The following RPS6KA2 variants were observed in gnomAD, a reference collection of about 807,000 sequenced individuals.
RPS6KA2 encodes the protein ribosomal protein S6 kinase A2, also known as ribosomal protein S6 kinase alpha-2.
RPS6KA2 carries 42 observed loss-of-function variants against 91.8 expected under a neutral mutation model. The ratio of observed to expected loss-of-function variants is 0.46; its 90% CI spans 0.36 to 0.59. The LOEUF (loss-of-function observed/expected upper bound fraction) is 0.59, where lower values mean the gene tolerates loss of function less well. RPS6KA2 is among the 20% of genes least tolerant of loss of function. The pLI is 0.00. For synonymous variants in RPS6KA2, 414 were observed against 393.6 expected (o/e 1.05, Z -0.61); for missense variants, 798 against 978.5 (o/e 0.82, Z 2.46).
chr6:166,481,338 G>A (rs1159421282), intron 10 of RPS6KA2, among the ~76,000 whole-genome samples: 1 of 152,260 alleles, frequency 6.6e-6, no homozygotes, highest in Non-Finnish European at 1.5e-5. Flanking sequence ...AATAAGCCAT[G>A]AAGGCTCAGC....
chr6:166,848,863 A>G (rs1179674197), intron 2 of RPS6KA2, among the ~76,000 whole-genome samples: 1 of 152,172 alleles, frequency 6.6e-6, no homozygotes, highest in Non-Finnish European at 1.5e-5. Flanking sequence ...GAACTTATTC[A>G]TGCAACCAAA....
At chr6:166,446,153 GC>G (rs1313183779) in intron 14 of RPS6KA2, among the ~76,000 whole-genome samples, 1 of 152,224 alleles carries the variant, frequency 6.6e-6, no homozygotes, top group Non-Finnish European at 1.5e-5. Flanking sequence ...GCACAGAAAT[GC>G]CAATTCGTCC....
Position 166,508,349 on chromosome 6 carries a change from C to T in RPS6KA2, c.380-67G>A. ...GTCCTGTGGCAACATCGCTCTCTGG[C>T]TTCTCCCTGCTCACGGTGCTGCTTA... On this transcript the variant is annotated intron_variant, in intron 4 of 20. Transcript: ENST00000265678. This position sits in a 1 kb window ranked among gnomAD's most constrained non-coding sequence, Gnocchi z 4.3. The T allele has an allele frequency of 9.7e-7, 1 of 1,025,750 alleles. No individual in the cohort carries two copies. The highest frequency in any genetic ancestry group is 1.3e-5 in the South Asian group (1 of 75,246). 63.5% of individuals were successfully genotyped at this position (1,025,750 alleles called of 1,614,324 possible).
intron 2 of RPS6KA2, among the ~76,000 whole-genome samples, chr6:166,794,414 A>C (rs1157955517): frequency 3.3e-5 from 5 of 152,272 alleles, no homozygotes; most frequent in South Asian, 4.1e-4. Context: ...GTGAGACTGT[A>C]AACTAGTTCA....
rs940037686 is a variant in RPS6KA2, at chr6:166,616,394, C to G, written c.99+10527G>C. On this transcript the variant is annotated intron_variant, in intron 1 of 20. Coordinates refer to ENST00000265678, the MANE Select transcript of RPS6KA2 (RefSeq NM_021135.6). Reference sequence around the variant, plus strand: ...CCAGCTGCAGGAGAAATCACCACCACCACTAACGGGACCCGCCCTGCTCAC... The same window carrying G: ...CCAGCTGCAGGAGAAATCACCACCAGCACTAACGGGACCCGCCCTGCTCAC... Among the ~76,000 whole-genome samples the G allele has an allele frequency of 6.7e-5, 10 of 149,942 alleles. No homozygotes were observed. The South Asian group carries it at 1.7e-3, about 25-fold the overall frequency.
At chr6:166,792,232 G>A (rs950521909) in intron 2 of RPS6KA2, among the ~76,000 whole-genome samples, 13 of 152,134 alleles carry the variant, frequency 8.5e-5, no homozygotes, top group Admixed American at 2.6e-4. Context: ...ACACCTCTAC[G>A]CAAATAAACT....
intron 2 of RPS6KA2, among the ~76,000 whole-genome samples, chr6:166,750,906 C>G (rs759911086): frequency 6.6e-6 from 1 of 152,220 alleles, no homozygotes; most frequent in Non-Finnish European, 1.5e-5. Flanking sequence ...GCTGCGTAGA[C>G]TGTGATCATA....
chr6:166,710,791 A>AAT (rs1213674663), intron 2 of RPS6KA2, among the ~76,000 whole-genome samples: 9 of 152,168 alleles, frequency 5.9e-5, no homozygotes, highest in Non-Finnish European at 1.2e-4. Flanking sequence ...GCTGGTGGAG[A>AAT]ATTCCCTGGG....
chr6:166,814,522 A>G (rs1779714302), intron 2 of RPS6KA2, among the ~76,000 whole-genome samples: 1 of 152,226 alleles, frequency 6.6e-6, no homozygotes, highest in South Asian at 2.1e-4. Flanking sequence ...CAGTGAGCAA[A>G]GCTTCATCTG....
intron 2 of RPS6KA2, among the ~76,000 whole-genome samples, chr6:166,807,646 C>T (rs1779525353): frequency 6.6e-6 from 1 of 152,046 alleles, no homozygotes; most frequent in Admixed American, 6.5e-5. Context: ...TGCGGCCTCT[C>T]CCCTGCTGTT....
At chr6:166,532,844 AGTGTGTGTGT>A in intron 2 of RPS6KA2, among the ~76,000 whole-genome samples, 2 of 149,580 alleles carry the variant, frequency 1.3e-5, no homozygotes, top group Middle Eastern at 6.9e-3. Flanking sequence ...AGAGAGAGAG[AGTGTGTGTGT>A]GTGTGTGTGT....
chr6:166,497,262 G>A (rs77259667), intron 8 of RPS6KA2, among the ~76,000 whole-genome samples: 47 of 152,270 alleles, frequency 3.1e-4, no homozygotes, highest in African/African-American at 1.0e-3. Context: ...CTGAGCTCGC[G>A]GGCCCCTTGC....
chr6:166,570,121 C>T (rs545111716), intron 1 of RPS6KA2, among the ~76,000 whole-genome samples: 2 of 152,266 alleles, frequency 1.3e-5, no homozygotes, highest in African/African-American at 4.8e-5. Context: ...GGACACGTTC[C>T]CACAAAAGAA....
intron 11 of RPS6KA2, among the ~76,000 whole-genome samples, chr6:166,468,027 G>C (rs141518986): frequency 6.6e-6 from 1 of 152,280 alleles, no homozygotes; most frequent in Non-Finnish European, 1.5e-5. Flanking sequence ...TCCAGGCACA[G>C]TGCTGTGCTA....
intron 1 of RPS6KA2, among the ~76,000 whole-genome samples, chr6:166,582,824 C>T (rs1407398450): frequency 6.6e-6 from 1 of 151,988 alleles, no homozygotes; most frequent in Non-Finnish European, 1.5e-5. Flanking sequence ...AAAAACAAAA[C>T]ACAAAAAAAC....
At chr6:166,421,588 C>T (rs1778720914) in intron 17 of RPS6KA2, among the ~76,000 whole-genome samples, 1 of 152,212 alleles carries the variant, frequency 6.6e-6, no homozygotes, top group Non-Finnish European at 1.5e-5. Context: ...GAGACCCTAA[C>T]CCTCTTCCTT....
chr6:166,708,128 C>T (rs1789733895), intron 2 of RPS6KA2, among the ~76,000 whole-genome samples: 1 of 152,144 alleles, frequency 6.6e-6, no homozygotes, highest in African/African-American at 2.4e-5. Flanking sequence ...TATACTTACA[C>T]TTATTTATTA....
chr6:166,490,644 C>A lies in RPS6KA2; in HGVS notation c.818+27G>T. 6.4e-7 allele frequency: 1 copy of A among 1,556,054 alleles called. No homozygotes were observed. On this transcript the variant is annotated intron_variant, in intron 9 of 20. Coordinates refer to ENST00000265678, the MANE Select transcript of RPS6KA2 (RefSeq NM_021135.6). This position sits in a 1 kb window ranked among gnomAD's most constrained non-coding sequence, Gnocchi z 4.2. ...TTGATATCAGAAGGTGCTCGCAGGT[C>A]TCTGGGGTGGCTCCCACACTACTCA...
At position 166,836,159 on chromosome 6, in the gene RPS6KA2, T is replaced by A. The variant is rs538003422; in HGVS notation, c.123+22041A>T. Among the ~76,000 whole-genome samples the A allele has an allele frequency of 1.4e-3, 214 of 152,244 alleles. 1 individual carries two copies. The highest frequency in any genetic ancestry group is 2.6e-3 in the Non-Finnish European group (178 of 68,012). ...CCTAAGGAAAATATATATTATTTTTTAAGTGTATATTTAGGAGAGACATGG... is the reference window on the plus strand; with the variant it reads ...CCTAAGGAAAATATATATTATTTTTAAAGTGTATATTTAGGAGAGACATGG... On this transcript the variant is annotated intron_variant, in intron 2 of 21. Coordinates refer to the RPS6KA2 transcript ENST00000503859.
Sources: allele counts gnomAD v4.1 joint callset (sites outside exome capture counted in the v4.1 genomes callset), GRCh38; gene constraint gnomAD v4.1.1; non-coding constraint Gnocchi (gnomAD v3.1); transcripts MANE v1.5; gene names NCBI Gene and HGNC (gene_info 2026-07-23, HGNC 2026-07-21).